Variants in COL22A1 observed in about 807,000 individuals in gnomAD.
COL22A1 encodes the protein collagen alpha-1(XXII) chain.
Under a neutral mutation model 248.9 loss-of-function variants are expected in COL22A1, and 221 were observed. The ratio of observed to expected loss-of-function variants is 0.89; its 90% CI spans 0.80 to 0.99. The LOEUF is 0.99. Among genes scored for constraint, COL22A1 ranks in the 50% least tolerant of loss-of-function variants. COL22A1 has a pLI of 0.00. For missense variants in COL22A1, 2,240 were observed against 2,179.0 expected (o/e 1.03, Z -0.56); for synonymous variants, 891 against 793.4 (o/e 1.12, Z -2.07).
At chr8:138,755,106 T>C (rs2318338) in intron 21 of COL22A1, 51 bp downstream of exon 21, 1,301,671 of 1,570,916 alleles carry the variant, frequency 0.83, 541,386 homozygotes, top group East Asian at 0.98. Flanking sequence ...CCAAACCCAT[T>C]GGTAAGAGAA....
intron 2 of COL22A1, among the ~76,000 whole-genome samples, chr8:138,880,559 C>T (rs1824123057): frequency 6.6e-6 from 1 of 152,242 alleles, no homozygotes; most frequent in African/African-American, 2.4e-5. Context: ...GTGACCCGAG[C>T]CAATGCCACC....
At chr8:138,896,763 A>G (rs1274592570) in intron 1 of COL22A1, among the ~76,000 whole-genome samples, 1 of 152,112 alleles carries the variant, frequency 6.6e-6, no homozygotes, top group East Asian at 1.9e-4. Flanking sequence ...ACCTGAGGTC[A>G]GAAGTTCCAG....
intron 30 of COL22A1, among the ~76,000 whole-genome samples, chr8:138,713,723 C>CT (rs1829219066): frequency 6.6e-6 from 1 of 151,888 alleles, no homozygotes; most frequent in Admixed American, 6.6e-5. Flanking sequence ...CCCACCGCCC[C>CT]GCCGTAGGGG....
intron 64 of COL22A1, among the ~76,000 whole-genome samples, chr8:138,589,954 C>T (rs1437318235): frequency 6.6e-6 from 1 of 152,004 alleles, no homozygotes; most frequent in South Asian, 2.1e-4. Context: ...ATTTGAACCA[C>T]ATATTTGGAT....
intron 39 of COL22A1, among the ~76,000 whole-genome samples, chr8:138,683,906 G>A (rs1587853044): frequency 6.6e-6 from 1 of 152,188 alleles, no homozygotes; most frequent in Non-Finnish European, 1.5e-5. Context: ...TTAATGGTAA[G>A]TATTTATTAA....
chr8:138,907,789 C>G (rs565204911), intron 1 of COL22A1, among the ~76,000 whole-genome samples: 6 of 152,334 alleles, frequency 3.9e-5, no homozygotes, highest in Non-Finnish European at 7.3e-5. Flanking sequence ...GCATGTAAAA[C>G]AGAGAGAGGA....
chr8:138,892,017 T>G (rs1825105649), intron 1 of COL22A1, among the ~76,000 whole-genome samples: 1 of 152,234 alleles, frequency 6.6e-6, no homozygotes, highest in South Asian at 2.1e-4. Context: ...ATAATTATTT[T>G]CATATGTTGC....
intron 5 of COL22A1, among the ~76,000 whole-genome samples, chr8:138,830,777 G>C (rs1440931554): frequency 1.3e-5 from 2 of 152,112 alleles, no homozygotes; most frequent in Non-Finnish European, 2.9e-5. Flanking sequence ...TTTTCTTAAA[G>C]TTCCATGTGA....
intron 16 of COL22A1, among the ~76,000 whole-genome samples, chr8:138,766,510 A>AC (rs1833923967): frequency 6.6e-6 from 1 of 151,968 alleles, no homozygotes; most frequent in Non-Finnish European, 1.5e-5. Flanking sequence ...AGAGAGAGAG[A>AC]CTCAGTAACA....
At chr8:138,808,832 T>G (rs1479831298) in intron 9 of COL22A1, among the ~76,000 whole-genome samples, 2 of 152,220 alleles carry the variant, frequency 1.3e-5, no homozygotes, top group Middle Eastern at 3.2e-3. Context: ...TAAATAATTT[T>G]TTGTGTGTTT....
intron 45 of COL22A1, among the ~76,000 whole-genome samples, chr8:138,652,734 G>GCTTTTTTTT (rs1564146836): frequency 4.4e-5 from 2 of 45,876 alleles, no homozygotes; most frequent in South Asian, 6.9e-4. Flanking sequence ...TTCCTTTTCT[G>GCTTTTTTTT]GTTTTTTTTT....
intron 41 of COL22A1, 143 bp from the exon 42 acceptor site, chr8:138,663,883 T>C: frequency 1.5e-6 from 1 of 663,022 alleles, no homozygotes; most frequent in South Asian, 1.7e-5. Flanking sequence ...CACACTGCCA[T>C]ACCCTCTTGC....
chr8:138,775,485 T>C (rs1413907430), intron 16 of COL22A1, among the ~76,000 whole-genome samples: 1 of 152,178 alleles, frequency 6.6e-6, no homozygotes, highest in Non-Finnish European at 1.5e-5. Context: ...GTGGGCCAGT[T>C]CACAACGTTT....
chr8:138,698,180 C>A (rs988947827), intron 32 of COL22A1, among the ~76,000 whole-genome samples: 2 of 152,124 alleles, frequency 1.3e-5, no homozygotes, highest in Non-Finnish European at 2.9e-5. Context: ...CAGGGGGAGG[C>A]AATACATGGA....
intron 37 of COL22A1, among the ~76,000 whole-genome samples, chr8:138,686,958 T>C (rs1826408645): frequency 6.6e-6 from 1 of 151,990 alleles, no homozygotes; most frequent in Admixed American, 6.6e-5. Context: ...TATTATTATT[T>C]ATTATTATTA....
At chr8:138,762,685 T>C (rs79967962) in intron 16 of COL22A1, among the ~76,000 whole-genome samples, 7,765 of 152,246 alleles carry the variant, frequency 0.051, 247 homozygotes, top group Non-Finnish European at 0.053. Flanking sequence ...GTCATCCCTC[T>C]GCTTTTCACT....
chr8:138,664,265 A>G (rs1021448323), intron 41 of COL22A1, among the ~76,000 whole-genome samples: 5 of 151,182 alleles, frequency 3.3e-5, no homozygotes, highest in African/African-American at 1.2e-4. Context: ...ACAGATACAG[A>G]CACACAGACA....
intron 45 of COL22A1, among the ~76,000 whole-genome samples, chr8:138,653,153 A>G (rs566271247): frequency 3.3e-5 from 5 of 152,320 alleles, no homozygotes; most frequent in South Asian, 2.1e-4. Context: ...TGCTTACTAC[A>G]TGGAGAAAAT....
At chr8:138,680,328 C>A (rs911864596) in intron 39 of COL22A1, among the ~76,000 whole-genome samples, 1 of 152,304 alleles carries the variant, frequency 6.6e-6, no homozygotes, top group African/African-American at 2.4e-5. Flanking sequence ...ACACTCTTTA[C>A]TCCTTCATAC....
Sources: gnomAD v4.1 joint callset for allele counts (sites outside exome capture counted in the v4.1 genomes callset) on GRCh38, gnomAD v4.1.1 for gene constraint, MANE v1.5 for transcripts, NCBI Gene and HGNC (gene_info 2026-07-23, HGNC 2026-07-21) for gene names.